C1QTNF3: variants seen among roughly 807,000 people sequenced by gnomAD.
The protein encoded by C1QTNF3 is C1q and TNF related 3.
C1QTNF3 carries 26 observed loss-of-function variants against 32.6 expected under a neutral mutation model. That is an observed-to-expected ratio of 0.80 (90% CI 0.58 to 1.11). The LOEUF is 1.11. Among genes scored for constraint, C1QTNF3 ranks in the 50% least tolerant of loss-of-function variants. The pLI is 0.00. For missense variants in C1QTNF3, 362 were observed against 398.2 expected, an observed-to-expected ratio of 0.91 and a Z score of 0.77; for synonymous variants, 155 against 146.0, an observed-to-expected ratio of 1.06 and a Z score of -0.44.
upstream of C1QTNF3, among the ~76,000 whole-genome samples, chr5:34,044,355 G>T (rs1754945312): frequency 6.6e-6 from 1 of 152,176 alleles, no homozygotes; most frequent in Admixed American, 6.5e-5. Flanking sequence ...CTTCTCTCAT[G>T]AAAACTGGAG....
intron 4 of C1QTNF3, among the ~76,000 whole-genome samples, chr5:34,028,068 G>A (rs916719433): frequency 9.2e-5 from 14 of 152,258 alleles, no homozygotes; most frequent in Non-Finnish European, 1.6e-4. Context: ...CGCCTCCCGG[G>A]TTCAACCCAT....
the C1QTNF3 span, among the ~76,000 whole-genome samples, chr5:34,164,326 G>A: frequency 9.9e-5 from 15 of 152,154 alleles, no homozygotes; most frequent in Non-Finnish European, 1.9e-4. Flanking sequence ...AGACAATAAT[G>A]TGGCTCTTCC....
At chr5:34,063,465 G>C in the C1QTNF3 span, among the ~76,000 whole-genome samples, 5 of 151,800 alleles carry the variant, frequency 3.3e-5, no homozygotes, top group Admixed American at 2.0e-4. Flanking sequence ...TAAAGTACTG[G>C]GTCATCAGTC....
chr5:34,168,933 G>C, the C1QTNF3 span: 1 of 152,130 alleles, frequency 6.6e-6, no homozygotes, highest in African/African-American at 2.4e-5. Context: ...GAAATCCTTT[G>C]GGAAATGATT....
At chr5:34,224,857 G>C in the C1QTNF3 span, among the ~76,000 whole-genome samples, 1 of 152,092 alleles carries the variant, frequency 6.6e-6, no homozygotes, top group Non-Finnish European at 1.5e-5. Flanking sequence ...CCATCAGAGT[G>C]AACAGGCAGC....
the C1QTNF3 span, among the ~76,000 whole-genome samples, chr5:34,172,751 T>C: frequency 6.6e-6 from 1 of 152,184 alleles, no homozygotes; most frequent in Non-Finnish European, 1.5e-5. Context: ...ATTTTGCATA[T>C]AGGTGCAGAC....
At chr5:34,086,892 T>C in the C1QTNF3 span, among the ~76,000 whole-genome samples, 2 of 151,472 alleles carry the variant, frequency 1.3e-5, no homozygotes, top group Non-Finnish European at 2.9e-5. Context: ...TTAGCCATGC[T>C]TCAGTTTTTG....
At chr5:34,028,923 C>A in intron 3 of C1QTNF3, 40 bp from the exon 4 acceptor site, 1 of 1,579,486 alleles carries the variant, frequency 6.3e-7, no homozygotes, top group Non-Finnish European at 8.6e-7. Context: ...GGCAATTTAT[C>A]TTAAAGAAGT....
chr5:34,038,160 G>T (rs1253341052), intron 1 of C1QTNF3, among the ~76,000 whole-genome samples: 2 of 152,182 alleles, frequency 1.3e-5, no homozygotes, highest in East Asian at 3.9e-4. Flanking sequence ...TTAAATCAGA[G>T]GATTGGATGA....
the C1QTNF3 span, among the ~76,000 whole-genome samples, chr5:34,145,079 A>G: frequency 9.8e-5 from 15 of 152,338 alleles, no homozygotes; most frequent in South Asian, 2.1e-3. Context: ...CAGTGAGCCA[A>G]GACTGTGCCA....
chr5:34,196,132 T>C, the C1QTNF3 span, among the ~76,000 whole-genome samples: 3 of 152,128 alleles, frequency 2.0e-5, no homozygotes, highest in African/African-American at 7.2e-5. Flanking sequence ...GAGAAATATC[T>C]GTTTTTTTTG....
chr5:34,049,798 G>T, the C1QTNF3 span, among the ~76,000 whole-genome samples: 1 of 152,198 alleles, frequency 6.6e-6, no homozygotes, highest in Non-Finnish European at 1.5e-5. Flanking sequence ...AGGCAGAATT[G>T]TTTCCTCTTC....
At chr5:34,024,665 A>C (rs544259976) in intron 4 of C1QTNF3, among the ~76,000 whole-genome samples, 1 of 152,196 alleles carries the variant, frequency 6.6e-6, no homozygotes, top group Admixed American at 6.5e-5. Context: ...ACCAACATAT[A>C]TTTTAAAAGA....
chr5:34,084,177 A>C, the C1QTNF3 span, among the ~76,000 whole-genome samples: 1 of 151,796 alleles, frequency 6.6e-6, no homozygotes, highest in Non-Finnish European at 1.5e-5. Flanking sequence ...AGTGGCAGTT[A>C]GGGACTGAAA....
At chr5:34,056,475 TATATAG>T in the C1QTNF3 span, among the ~76,000 whole-genome samples, 92 of 101,270 alleles carry the variant, frequency 9.1e-4, no homozygotes, top group Admixed American at 1.4e-3. Flanking sequence ...TATATATATA[TATATAG>T]AGAGAGAGAG....
At chr5:34,097,581 C>A in the C1QTNF3 span, among the ~76,000 whole-genome samples, 1 of 93,718 alleles carries the variant, frequency 1.1e-5, no homozygotes, top group African/African-American at 4.2e-5. Flanking sequence ...CTCCTATGCT[C>A]TGTATACATA....
rs1754304856 is a variant in C1QTNF3 at position 34,020,756 on chromosome 5, G to C, written c.801-14C>G. On this transcript the variant is annotated splice_polypyrimidine_tract_variant and intron_variant, in intron 5 of 5. Transcript: ENST00000382065. ...TTCATTTCATAGCTGGAAAGAAAAAGAGGAACAAACTACTTAGTTTTTGCC... is the reference window on the plus strand; with the variant it reads ...TTCATTTCATAGCTGGAAAGAAAAACAGGAACAAACTACTTAGTTTTTGCC... 1 of 1,608,634 alleles carries C rather than the reference G, an allele frequency of 6.2e-7. No homozygotes were observed. The highest frequency in any genetic ancestry group is 1.3e-5 in the African/African-American group (1 of 74,912).
the C1QTNF3 span, among the ~76,000 whole-genome samples, chr5:34,156,305 A>G: frequency 6.6e-6 from 1 of 152,142 alleles, no homozygotes; most frequent in Admixed American, 6.5e-5. Context: ...TCCTGACCTC[A>G]GGTGATCCAC....
chr5:34,074,160 G>T, the C1QTNF3 span, among the ~76,000 whole-genome samples: 7 of 152,090 alleles, frequency 4.6e-5, no homozygotes, highest in Admixed American at 4.6e-4. Flanking sequence ...GTACTGGTGA[G>T]AAAACAGAGG....
Sources: gnomAD v4.1 joint callset for allele counts (sites outside exome capture counted in the v4.1 genomes callset) on GRCh38, gnomAD v4.1.1 for gene constraint, MANE v1.5 for transcripts, NCBI Gene and HGNC (gene_info 2026-07-23, HGNC 2026-07-21) for gene names.